Variants in CALB1 observed in about 807,000 individuals in gnomAD.
The protein encoded by CALB1 is calbindin 1, also known as calbindin.
A neutral mutation model predicts 46.7 loss-of-function variants in CALB1; 16 were observed. The ratio of observed to expected loss-of-function variants is 0.34; its 90% confidence interval spans 0.23 to 0.52. CALB1 has a LOEUF of 0.52. CALB1 is among the 20% of genes least tolerant of loss of function. The pLI, the probability that CALB1 is intolerant of heterozygous loss-of-function variation, is 0.95. For synonymous variants in CALB1, 90 were observed against 112.8 expected, an observed-to-expected ratio of 0.80 and a Z score of 1.28; for missense variants, 224 against 300.3, an observed-to-expected ratio of 0.75 and a Z score of 1.88.
intron 2 of CALB1, 31 bp downstream of exon 2, chr8:90,081,995 C>A: frequency 6.3e-7 from 1 of 1,582,910 alleles, no homozygotes; most frequent in South Asian, 1.1e-5. Flanking sequence ...GGTTAAAAGT[C>A]TTTTTTTCTT....
intron 3 of CALB1, among the ~76,000 whole-genome samples, chr8:90,075,890 A>G (rs1814615286): frequency 6.6e-6 from 1 of 152,082 alleles, no homozygotes; most frequent in African/African-American, 2.4e-5. Flanking sequence ...AGATTAATGA[A>G]AAGAGTTCTA....
At chr8:90,081,944 T>C in intron 2 of CALB1, 82 bp downstream of exon 2, 1 of 1,267,300 alleles carries the variant, frequency 7.9e-7, no homozygotes. Context: ...CGCTTTACGC[T>C]ACTGGCTTTT....
intron 3 of CALB1, among the ~76,000 whole-genome samples, chr8:90,070,846 G>T (rs563641588): frequency 1.2e-5 from 1 of 80,258 alleles, no homozygotes; most frequent in South Asian, 5.0e-4. Context: ...CAGTGTGTGT[G>T]TGTGTGTGTG....
At position 90,082,700 on chromosome 8, in the gene CALB1, T is replaced by C. The variant is rs373730070; in HGVS notation, c.-3A>G. On this transcript the variant is annotated 5_prime_UTR_variant, in exon 1 of 11. Transcript: ENST00000265431. The stretch of plus-strand genomic sequence containing the variant: ...GACTGCAGGTGGGATTCTGCCATTG[T>C]ACAGCGGGGTGTGTGTCTGGGTGTG... The C allele has an allele frequency of 7.2e-5, 116 of 1,613,742 alleles. No homozygotes were observed. The highest frequency in any genetic ancestry group is 9.1e-5 in the Non-Finnish European group (107 of 1,179,742).
chr8:90,080,120 A>G (rs1814701813), intron 2 of CALB1, among the ~76,000 whole-genome samples: 1 of 151,964 alleles, frequency 6.6e-6, no homozygotes, highest in Admixed American at 6.5e-5. Flanking sequence ...TTTACATTCC[A>G]GAAAAATGCT....
chr8:90,071,396 C>G (rs74969314), intron 3 of CALB1, among the ~76,000 whole-genome samples: 7,179 of 151,978 alleles, frequency 0.047, 323 homozygotes, highest in East Asian at 0.2. Flanking sequence ...TAGGTCTCCC[C>G]CCAGAGCTAA....
intron 1 of CALB1, 56 bp from the exon 2 acceptor site, chr8:90,082,158 C>T (rs1227901857): frequency 2.1e-6 from 3 of 1,447,852 alleles, no homozygotes; most frequent in South Asian, 1.2e-5. Context: ...GTGTCTTTCC[C>T]GTTCACTTTC....
chr8:90,070,168 C>T (rs989521169), intron 3 of CALB1, among the ~76,000 whole-genome samples: 1 of 152,136 alleles, frequency 6.6e-6, no homozygotes, highest in Non-Finnish European at 1.5e-5. Flanking sequence ...ATCACTAAAA[C>T]AAGGACTTGA....
chr8:90,070,049 G>A, intron 3 of CALB1, among the ~76,000 whole-genome samples: 1 of 151,416 alleles, frequency 6.6e-6, no homozygotes, highest in East Asian at 1.9e-4. Flanking sequence ...AGAGAAGGAA[G>A]GAGCTGGATT....
intron 9 of CALB1, chr8:90,062,399 G>C (rs886264605): frequency 2.0e-5 from 3 of 151,874 alleles, no homozygotes; most frequent in South Asian, 4.1e-4. Flanking sequence ...GAGTGCAAAA[G>C]CAGCCTACAG....
chr8:90,079,911 T>C (rs1024626877), intron 2 of CALB1, among the ~76,000 whole-genome samples: 2 of 151,864 alleles, frequency 1.3e-5, no homozygotes, highest in Non-Finnish European at 2.9e-5. Context: ...TGGCTAGAAA[T>C]GCAAAAAGCC....
At chr8:90,063,244 A>G in intron 8 of CALB1, 37 bp downstream of exon 8, 3 of 1,559,838 alleles carry the variant, frequency 1.9e-6, no homozygotes, top group East Asian at 2.2e-5. Flanking sequence ...TAGCTTTTCA[A>G]GGAAAATATT....
chr8:90,060,635 ATTC>A lies in CALB1; in HGVS notation c.663_665del (p.Lys221del). ...GCCATGGTAACTAAGTTACCTGTTTATTCTTCTCGCACAGATCCTTCAGTAAAG... is the reference window on the plus strand; with the variant it reads ...GCCATGGTAACTAAGTTACCTGTTTATTCTCGCACAGATCCTTCAGTAAAG... On this transcript the variant is annotated inframe_deletion, in exon 10 of 11. Transcript: ENST00000265431. The A allele has an allele frequency of 6.2e-7, 1 of 1,613,276 alleles. No individual in the cohort carries two copies.
chr8:90,063,335 A>G lies in CALB1; in HGVS notation c.507-15T>C, dbSNP rs936102283. On this transcript the variant is annotated splice_polypyrimidine_tract_variant and intron_variant, in intron 7 of 10. Coordinates refer to ENST00000265431, the MANE Select transcript of CALB1 (RefSeq NM_004929.4). ...CTGGTAGTAACCTTTTGAGAGAAAA[A>G]CATTATATTAATATATTACATTTTT... 4.4e-6 allele frequency: 7 copies of G among 1,585,538 alleles called. No individual in the cohort carries two copies. The highest frequency in any genetic ancestry group is 6.0e-6 in the Non-Finnish European group (7 of 1,158,048).
intron 6 of CALB1, among the ~76,000 whole-genome samples, chr8:90,065,397 CAAA>C (rs1333826531): frequency 6.6e-6 from 1 of 151,502 alleles, no homozygotes; most frequent in Non-Finnish European, 1.5e-5. Flanking sequence ...CCCAAAACAA[CAAA>C]AATCAAAAGA....
In CALB1 at chr8:90,078,451, A is replaced by C. The variant is rs767786576; in HGVS notation, c.157-4T>G. The C allele has an allele frequency of 1.3e-6, 2 of 1,488,956 alleles. No homozygotes were observed. The highest frequency in any genetic ancestry group is 2.8e-5 in the African/African-American group (2 of 71,234). The allele number at this position is 1,488,956 out of a possible 1,614,324, so 92.2% of individuals were successfully genotyped here. ...TTTTCATTTCAGGTGATAACTCCTA[A>C]AATTATATAAAAGCAGGTAGGAGGT... On this transcript the variant is annotated splice_polypyrimidine_tract_variant and splice_region_variant and intron_variant, in intron 2 of 10. Coordinates refer to ENST00000265431, the MANE Select transcript of CALB1 (RefSeq NM_004929.4).
chr8:90,082,448 T>C, intron 1 of CALB1, 171 bp downstream of exon 1: 1 of 650,524 alleles, frequency 1.5e-6, no homozygotes. Context: ...AACTTTCAGG[T>C]TGACAGTTTG....
At chr8:90,067,836 T>C (rs1814428922) in intron 5 of CALB1, among the ~76,000 whole-genome samples, 1 of 152,182 alleles carries the variant, frequency 6.6e-6, no homozygotes, top group Non-Finnish European at 1.5e-5. Context: ...TAGGCAGCTG[T>C]GTAATCTTGA....
chr8:90,060,773 TAATTGG>T (rs1378432876), intron 9 of CALB1, 73 bp from the exon 10 acceptor site: 2 of 1,193,988 alleles, frequency 1.7e-6, no homozygotes, highest in East Asian at 4.7e-5. Context: ...AAAATGGAAA[TAATTGG>T]AATCCTTAGA....
Sources: allele counts gnomAD v4.1 joint callset (sites outside exome capture counted in the v4.1 genomes callset), GRCh38; gene constraint gnomAD v4.1.1; transcripts MANE v1.5; gene names NCBI Gene and HGNC (gene_info 2026-07-23, HGNC 2026-07-21).